The following TNFRSF19 variants were observed in gnomAD, a reference collection of about 807,000 sequenced individuals.
TNFRSF19 encodes TNF receptor superfamily member 19, also known as tumor necrosis factor receptor superfamily member 19.
In TNFRSF19, 27 loss-of-function variants were observed where a neutral mutation model predicts 46.4. The ratio of observed to expected loss-of-function variants is 0.58; its 90% confidence interval spans 0.43 to 0.80. The LOEUF (loss-of-function observed/expected upper bound fraction) is 0.80, where lower values mean the gene tolerates loss of function less well. TNFRSF19 is among the 30% of genes least tolerant of loss of function. The probability of loss-of-function intolerance (pLI) is 0.00; values close to 1 mark genes in which losing one functional copy is unlikely to be tolerated. For missense variants in TNFRSF19, 511 were observed against 530.8 expected, an observed-to-expected ratio of 0.96 and a Z score of 0.37; for synonymous variants, 204 against 205.0, an observed-to-expected ratio of 1.00 and a Z score of 0.04.
chr13:23,605,652 G>A (rs560320672), intron 3 of TNFRSF19, among the ~76,000 whole-genome samples: 65 of 152,244 alleles, frequency 4.3e-4, no homozygotes, highest in African/African-American at 1.4e-3. Flanking sequence ...CTATCAAGCC[G>A]TGAAAAGACA....
intron 9 of TNFRSF19, among the ~76,000 whole-genome samples, chr13:23,672,487 T>C (rs1951774937): frequency 6.6e-6 from 1 of 152,222 alleles, no homozygotes; most frequent in South Asian, 2.1e-4. Context: ...TTTTTCCTTA[T>C]TGGCAAAATG....
At chr13:23,572,999 T>TGAA (rs959472282) in intron 1 of TNFRSF19, among the ~76,000 whole-genome samples, 1 of 152,182 alleles carries the variant, frequency 6.6e-6, no homozygotes, top group Non-Finnish European at 1.5e-5. Flanking sequence ...TCCTCATGTG[T>TGAA]GAAGTGAGGG....
At chr13:23,652,737 A>G (rs1031400522) in intron 5 of TNFRSF19, among the ~76,000 whole-genome samples, 1 of 152,358 alleles carries the variant, frequency 6.6e-6, no homozygotes, top group Admixed American at 6.5e-5. Flanking sequence ...CAATGAACAC[A>G]TCATTGGCAT....
At chr13:23,647,974 C>G (rs868230671) in intron 5 of TNFRSF19, among the ~76,000 whole-genome samples, 21 of 152,252 alleles carry the variant, frequency 1.4e-4, no homozygotes, top group South Asian at 1.2e-3. Context: ...CACCACCCCC[C>G]CTTTTTTTTA....
At chr13:23,646,027 T>G (rs941323687) in intron 5 of TNFRSF19, among the ~76,000 whole-genome samples, 1 of 152,162 alleles carries the variant, frequency 6.6e-6, no homozygotes, top group Non-Finnish European at 1.5e-5. Context: ...AATCCATCAG[T>G]GTATCCAATT....
intron 7 of TNFRSF19, among the ~76,000 whole-genome samples, chr13:23,666,725 T>C (rs910728444): frequency 1.3e-5 from 2 of 152,200 alleles, no homozygotes; most frequent in African/African-American, 2.4e-5. Flanking sequence ...CACACGTTTG[T>C]TAAGCGGCAG....
chr13:23,660,124 G>C (rs1884261048), intron 6 of TNFRSF19, among the ~76,000 whole-genome samples: 1 of 152,198 alleles, frequency 6.6e-6, no homozygotes, highest in African/African-American at 2.4e-5. Flanking sequence ...GACTTACAAG[G>C]CTGTGATGTC....
At position 23,675,110 on chromosome 13, in the gene TNFRSF19, A is replaced by G. The variant is rs1312735582; in HGVS notation, c.*1730A>G. On this transcript the variant is annotated 3_prime_UTR_variant, in exon 10 of 10. Transcript: ENST00000248484. ...AAGTATAAACCAATGATCCTTTGGT[A>G]GTCAAGAACTCTTAGGAACATTGCC... 6.6e-6 allele frequency: 1 copy of G among 152,230 alleles called. No homozygotes were observed. Among genetic ancestry groups the G allele is most frequent in the Non-Finnish European group, 1.5e-5 (1 of 68,040 alleles). 9.4% of individuals were successfully genotyped at this position (152,230 alleles called of 1,614,324 possible).
chr13:23,619,749 G>A (rs1881533196), intron 4 of TNFRSF19, among the ~76,000 whole-genome samples: 1 of 152,182 alleles, frequency 6.6e-6, no homozygotes, highest in Non-Finnish European at 1.5e-5. Flanking sequence ...TACATCTGGA[G>A]GTAGAGAAAT....
At chr13:23,623,595 A>T (rs1439926720) in intron 4 of TNFRSF19, among the ~76,000 whole-genome samples, 2 of 152,136 alleles carry the variant, frequency 1.3e-5, no homozygotes, top group Admixed American at 1.3e-4. Context: ...GTTTCTTCAC[A>T]TCCTTGCCAA....
At chr13:23,585,479 C>T (rs981592120) in intron 1 of TNFRSF19, 5 of 152,186 alleles carry the variant, frequency 3.3e-5, no homozygotes, top group African/African-American at 1.2e-4. Flanking sequence ...TATTAGAGCA[C>T]TACCTTCAAG....
At chr13:23,587,571 TC>T (rs1878932998) in intron 1 of TNFRSF19, among the ~76,000 whole-genome samples, 1 of 73,796 alleles carries the variant, frequency 1.4e-5, no homozygotes, top group Admixed American at 1.4e-4. Context: ...ATTATGTGTC[TC>T]TCATCAGTTT....
chr13:23,593,709 G>A (rs1353330823), intron 3 of TNFRSF19, among the ~76,000 whole-genome samples: 2 of 152,154 alleles, frequency 1.3e-5, no homozygotes, highest in Non-Finnish European at 2.9e-5. Context: ...AATTTGTAGT[G>A]TTTCACTAAA....
intron 4 of TNFRSF19, among the ~76,000 whole-genome samples, chr13:23,617,863 G>A (rs1881407592): frequency 6.6e-6 from 1 of 152,190 alleles, no homozygotes; most frequent in Admixed American, 6.5e-5. Flanking sequence ...CATCATGGGA[G>A]TCTAACATCA....
chr13:23,593,518 A>G, intron 3 of TNFRSF19, 63 bp downstream of exon 3: 1 of 1,096,982 alleles, frequency 9.1e-7, no homozygotes, highest in East Asian at 2.5e-5. Context: ...TCTTAACTCA[A>G]TTCTTTGAGT....
At chr13:23,631,814 G>C (rs1882379886) in intron 5 of TNFRSF19, among the ~76,000 whole-genome samples, 1 of 152,202 alleles carries the variant, frequency 6.6e-6, no homozygotes, top group South Asian at 2.1e-4. Context: ...GTTGACTTCA[G>C]CTCTTTCCTG....
intron 7 of TNFRSF19, among the ~76,000 whole-genome samples, chr13:23,662,040 TTAGATCTCA>T (rs1884399034): frequency 6.6e-6 from 1 of 152,276 alleles, no homozygotes; most frequent in Admixed American, 6.5e-5. Context: ...TTAAGTTTAA[TTAGATCTCA>T]TTTGTCAATT....
chr13:23,639,318 G>A (rs1313043290), intron 5 of TNFRSF19, among the ~76,000 whole-genome samples: 2 of 152,092 alleles, frequency 1.3e-5, no homozygotes, highest in African/African-American at 4.8e-5. Context: ...ATTTGAACCC[G>A]GGAGGCAGAG....
intron 5 of TNFRSF19, among the ~76,000 whole-genome samples, chr13:23,637,512 G>GT (rs1882764922): frequency 6.6e-6 from 1 of 152,168 alleles, no homozygotes; most frequent in African/African-American, 2.4e-5. Flanking sequence ...GTGCTTTGCC[G>GT]TAAGTCCTGT....
Sources: gnomAD v4.1 joint callset for allele counts (sites outside exome capture counted in the v4.1 genomes callset) on GRCh38, gnomAD v4.1.1 for gene constraint, MANE v1.5 for transcripts, NCBI Gene and HGNC (gene_info 2026-07-23, HGNC 2026-07-21) for gene names.